The following PPP1R1C variants were observed in gnomAD, a reference collection of about 807,000 sequenced individuals.
PPP1R1C encodes the protein protein phosphatase 1 regulatory subunit 1C.
A neutral mutation model predicts 17.4 loss-of-function variants in PPP1R1C; 15 were observed. The ratio of observed to expected loss-of-function variants is 0.86; its 90% CI spans 0.58 to 1.33. PPP1R1C has a LOEUF of 1.33. PPP1R1C is among the 40% of genes most tolerant of loss of function. The pLI is 0.00. For synonymous variants in PPP1R1C, 35 were observed against 43.1 expected (o/e 0.81, Z 0.73); for missense variants, 143 against 130.0 (o/e 1.10, Z -0.48).
At chr2:181,978,651 C>T (rs1685140706) in intron 2 of PPP1R1C, among the ~76,000 whole-genome samples, 1 of 152,082 alleles carries the variant, frequency 6.6e-6, no homozygotes, top group Admixed American at 6.5e-5. Flanking sequence ...AGGGGTGTTA[C>T]ACAGGAACTG....
chr2:182,084,410 T>TA (rs1688569946), intron 4 of PPP1R1C, among the ~76,000 whole-genome samples: 1 of 152,172 alleles, frequency 6.6e-6, no homozygotes, highest in Non-Finnish European at 1.5e-5. Context: ...CTGTTAGATG[T>TA]AAGTCTTTAA....
At chr2:182,061,606 G>A (rs1687853400) in intron 3 of PPP1R1C, 127 bp downstream of exon 3, 1 of 516,076 alleles carries the variant, frequency 1.9e-6, no homozygotes, top group East Asian at 3.6e-5. Context: ...CCTTCTGACT[G>A]AATAAACAGT....
intron 4 of PPP1R1C, among the ~76,000 whole-genome samples, chr2:182,103,410 G>C (rs367845390): frequency 2.0e-5 from 3 of 152,122 alleles, no homozygotes; most frequent in Non-Finnish European, 4.4e-5. Context: ...TTTGTAAATA[G>C]GAAGAATTAA....
At chr2:181,983,162 G>C (rs1017724559), upstream of PPP1R1C, among the ~76,000 whole-genome samples, 2 of 152,192 alleles carry the variant, frequency 1.3e-5, no homozygotes, top group African/African-American at 4.8e-5. Flanking sequence ...CGGAGATTCT[G>C]TTGACTGCCA....
intron 2 of PPP1R1C, among the ~76,000 whole-genome samples, chr2:182,058,589 T>C (rs925135359): frequency 1.4e-4 from 22 of 152,256 alleles, no homozygotes; most frequent in Admixed American, 9.2e-4. Flanking sequence ...AACAAACTTA[T>C]GAGAAAATGA....
intron 2 of PPP1R1C, among the ~76,000 whole-genome samples, chr2:182,043,448 A>C (rs1375172200): frequency 6.6e-6 from 1 of 152,208 alleles, no homozygotes; most frequent in Non-Finnish European, 1.5e-5. Context: ...TTTATGTTGA[A>C]ATCGAGCATA....
chr2:182,093,200 T>C (rs1192735942), intron 4 of PPP1R1C, among the ~76,000 whole-genome samples: 2 of 152,186 alleles, frequency 1.3e-5, no homozygotes, highest in African/African-American at 2.4e-5. Context: ...ATGTAGAAGC[T>C]GCCAAGGATT....
chr2:181,981,594 C>T (rs892084333), upstream of PPP1R1C, among the ~76,000 whole-genome samples: 3 of 152,132 alleles, frequency 2.0e-5, no homozygotes, highest in Non-Finnish European at 2.9e-5. Context: ...CTCTTTGCCT[C>T]AATTAGGTAT....
At chr2:182,090,988 A>G (rs1688764071) in intron 4 of PPP1R1C, among the ~76,000 whole-genome samples, 1 of 152,232 alleles carries the variant, frequency 6.6e-6, no homozygotes, top group Admixed American at 6.5e-5. Flanking sequence ...ACAAGTAATC[A>G]AAACTGTTAA....
chr2:182,116,205 A>G (rs13002290), intron 4 of PPP1R1C, among the ~76,000 whole-genome samples: 1 of 152,222 alleles, frequency 6.6e-6, no homozygotes, highest in Non-Finnish European at 1.5e-5. Context: ...AATGATTTAG[A>G]CAATAAATAT....
At chr2:182,109,338 A>C (rs78424413) in intron 4 of PPP1R1C, among the ~76,000 whole-genome samples, 2,065 of 152,230 alleles carry the variant, frequency 0.014, 29 homozygotes, top group Middle Eastern at 0.034. Flanking sequence ...CAGATGTTTT[A>C]ATTTTAATGA....
At chr2:182,118,950 A>G (rs1689659403), downstream of PPP1R1C, among the ~76,000 whole-genome samples, 1 of 151,578 alleles carries the variant, frequency 6.6e-6, no homozygotes, top group East Asian at 1.9e-4. Flanking sequence ...CATGTGCACA[A>G]CATGCAGGTT....
At chr2:182,028,227 T>G (rs1441645704) in intron 2 of PPP1R1C, among the ~76,000 whole-genome samples, 2 of 125,812 alleles carry the variant, frequency 1.6e-5, no homozygotes, top group South Asian at 3.0e-4. Flanking sequence ...TCTGCTCTGA[T>G]TTTAGTTATT....
intron 4 of PPP1R1C, among the ~76,000 whole-genome samples, chr2:182,109,183 T>C (rs1689342678): frequency 6.6e-6 from 1 of 152,216 alleles, no homozygotes; most frequent in Non-Finnish European, 1.5e-5. Context: ...CCATTCTTAA[T>C]TGGATTGTTT....
intron 5 of PPP1R1C, among the ~76,000 whole-genome samples, chr2:182,123,159 C>T (rs548863593): frequency 3.3e-5 from 5 of 152,266 alleles, no homozygotes; most frequent in Admixed American, 1.3e-4. Flanking sequence ...CAGCTTCATC[C>T]ATGTGCCTGC....
chr2:182,076,197 C>CTTTTTTTTTTTTTTTTTTTTTTTT lies in PPP1R1C; in HGVS notation c.241+12424_241+12447dup, dbSNP rs1165789924. 1.3e-3 allele frequency among the ~76,000 whole-genome samples: 33 copies of CTTTTTTTTTTTTTTTTTTTTTTTT among 25,860 alleles called. 12 individuals carry two copies. Among genetic ancestry groups the CTTTTTTTTTTTTTTTTTTTTTTTT allele is most frequent in the Non-Finnish European group, 1.6e-3 (27 of 16,606 alleles). The allele number at this position is 25,860 out of a possible 152,430, so 17.0% of individuals were successfully genotyped here. Reference sequence around the variant, plus strand: ...GATTTTGAACTTTTTTTTTTCTTTTCTTTTTTTTTTTTTTTTTTTTTTTTT... The same window carrying CTTTTTTTTTTTTTTTTTTTTTTTT: ...GATTTTGAACTTTTTTTTTTCTTTTCTTTTTTTTTTTTTTTTTTTTTTTTTTTTTTTTTTTTTTTTTTTTTTTTT... On this transcript the variant is annotated intron_variant, in intron 4 of 4. Coordinates refer to ENST00000682840, the MANE Select transcript of PPP1R1C (RefSeq NM_001080545.3).
At chr2:181,991,490 T>C (rs539930838) in intron 2 of PPP1R1C, among the ~76,000 whole-genome samples, 35 of 152,292 alleles carry the variant, frequency 2.3e-4, no homozygotes, top group Non-Finnish European at 4.1e-4. Flanking sequence ...AATTTTTAAA[T>C]TGAAGGCATG....
chr2:181,996,669 G>A (rs1459763754), intron 2 of PPP1R1C, among the ~76,000 whole-genome samples: 2 of 152,104 alleles, frequency 1.3e-5, no homozygotes, highest in Admixed American at 1.3e-4. Flanking sequence ...AAAGGACTGT[G>A]CAAACTAAAA....
intron 1 of PPP1R1C, among the ~76,000 whole-genome samples, chr2:181,965,976 AT>A (rs1574342017): frequency 6.6e-6 from 1 of 151,870 alleles, no homozygotes; most frequent in East Asian, 1.9e-4. Flanking sequence ...TCTTTATTTT[AT>A]TTCATTAGTG....
Sources: allele counts gnomAD v4.1 joint callset (sites outside exome capture counted in the v4.1 genomes callset), GRCh38; gene constraint gnomAD v4.1.1; transcripts MANE v1.5; gene names NCBI Gene and HGNC (gene_info 2026-07-23, HGNC 2026-07-21).